The following UBE2Z variants were observed in gnomAD, a reference collection of about 807,000 sequenced individuals.
UBE2Z encodes the protein ubiquitin-conjugating enzyme E2 Z.
UBE2Z carries 10 observed loss-of-function variants against 32.6 expected under a neutral mutation model. That is an observed-to-expected ratio of 0.31 (90% CI 0.19 to 0.52). The LOEUF is 0.52. Ranked by LOEUF, UBE2Z falls within the 20% of genes least tolerant of loss-of-function variation. The probability of loss-of-function intolerance (pLI) is 0.97; values close to 1 mark genes in which losing one functional copy is unlikely to be tolerated. For synonymous variants in UBE2Z, 183 were observed against 190.8 expected, an observed-to-expected ratio of 0.96 and a Z score of 0.34; for missense variants, 343 against 480.9, an observed-to-expected ratio of 0.71 and a Z score of 2.68.
intron 4 of UBE2Z, among the ~76,000 whole-genome samples, chr17:48,917,675 A>G (rs1310131289): frequency 2.6e-5 from 4 of 152,168 alleles, no homozygotes; most frequent in Admixed American, 6.5e-5. Flanking sequence ...AAGTTTTTAT[A>G]TATAATTTCT....
At position 48,917,355 on chromosome 17, in the gene UBE2Z, G is replaced by A. The variant is rs141420584; in HGVS notation, c.690+1168G>A. Among the ~76,000 whole-genome samples the A allele has an allele frequency of 5.2e-3, 793 of 152,188 alleles. 1 individual carries two copies. Among genetic ancestry groups the A allele is most frequent in the South Asian group, 1.0e-2 (48 of 4,822 alleles). ...TTTTTATTTGTGAGAGTTACAATAA[G>A]TATGTGACTTGGATTCCTTTATAGC... On this transcript the variant is annotated intron_variant, in intron 4 of 6. Transcript: ENST00000360943.
intron 4 of UBE2Z, among the ~76,000 whole-genome samples, chr17:48,917,341 G>A (rs1263329680): frequency 4.6e-5 from 7 of 152,058 alleles, no homozygotes; most frequent in African/African-American, 9.7e-5. Context: ...TTTTATTTGT[G>A]AGAGTTACAA....
chr17:48,911,178 T>A (rs949171408), intron 2 of UBE2Z: 3 of 364,358 alleles, frequency 8.2e-6, no homozygotes, highest in African/African-American at 4.1e-5. Context: ...TGCTCCTGTT[T>A]GGATAATAAA....
intron 3 of UBE2Z, chr17:48,915,855 C>A: frequency 2.4e-6 from 1 of 417,032 alleles, no homozygotes; most frequent in Non-Finnish European, 4.1e-6. Context: ...TTGCTATTAC[C>A]TGTTCTTTTG....
intron 6 of UBE2Z, 77 bp downstream of exon 6, chr17:48,923,014 C>G: frequency 7.5e-7 from 1 of 1,339,442 alleles, no homozygotes; most frequent in Non-Finnish European, 1.0e-6. Context: ...GTGGCATCGA[C>G]AGCTGTCATA....
chr17:48,908,674 C>A lies in UBE2Z; in HGVS notation c.171C>A (p.Gly57=), dbSNP rs1441418489. 3.4e-5 allele frequency: 42 copies of A among 1,226,644 alleles called. No homozygotes were observed. The highest frequency in any genetic ancestry group is 3.2e-4 in the Middle Eastern group (1 of 3,154). The allele number at this position is 1,226,644 out of a possible 1,614,324, so 76.0% of individuals were successfully genotyped here. A position where few individuals can be genotyped will look rare whatever the true frequency, so the allele number is the denominator to read the frequency against. ...CGGCGGCAGCGGGCGGGGCCGGGGG[C>A]CCGGGGAGCGGCCTGGCTCCGCTGC... ...AAAAAAGGAG[G]PGSGLAPLPG... The change falls in exon 1 of 7, where the codon GGC becomes GGA. Residue 57 remains glycine, a synonymous_variant. Transcript: ENST00000360943.
intron 1 of UBE2Z, chr17:48,910,605 T>G (rs2040669115): frequency 4.3e-6 from 2 of 466,660 alleles, no homozygotes; most frequent in African/African-American, 3.9e-5. Flanking sequence ...AATGCCCTTT[T>G]GATAATAATT....
At chr17:48,909,029 C>G in intron 1 of UBE2Z, 1 of 294,882 alleles carries the variant, frequency 3.4e-6, no homozygotes, top group South Asian at 4.2e-5. Flanking sequence ...ACCCCCGCCT[C>G]GTGTGCCCAG....
At chr17:48,916,211 T>C in intron 4 of UBE2Z, 24 bp downstream of exon 4, 1 of 1,418,016 alleles carries the variant, frequency 7.1e-7, no homozygotes, top group Non-Finnish European at 9.5e-7. Context: ...GGCCTGGCTC[T>C]GGGGTGTAGA....
chr17:48,913,397 C>A (rs376235249), intron 3 of UBE2Z, among the ~76,000 whole-genome samples: 1 of 152,274 alleles, frequency 6.6e-6, no homozygotes, highest in South Asian at 2.1e-4. Context: ...GCTCTGTCGC[C>A]AGGCTGGAGT....
intron 4 of UBE2Z, among the ~76,000 whole-genome samples, chr17:48,917,005 AC>A (rs2040725162): frequency 6.9e-6 from 1 of 144,642 alleles, no homozygotes; most frequent in African/African-American, 2.6e-5. Context: ...CGGTCCCCCC[AC>A]CCCCAAAAAA....
chr17:48,911,030 C>A, intron 2 of UBE2Z, 150 bp downstream of exon 2: 1 of 687,974 alleles, frequency 1.5e-6, no homozygotes. Flanking sequence ...TCCAAGGTCA[C>A]ATAGTGAGGT....
chr17:48,916,132 C>G lies in UBE2Z; in HGVS notation c.635C>G (p.Ser212Cys). 1 of 1,588,334 alleles carries G rather than the reference C, an allele frequency of 6.3e-7. No individual in the cohort carries two copies. Among genetic ancestry groups the G allele is most frequent in the Non-Finnish European group, 8.6e-7 (1 of 1,169,360 alleles). Residue 212 changes from serine to cysteine, a missense_variant, in exon 4 of 7, where the codon TCT (serine) becomes TGT (cysteine). Physicochemically the swap from Ser to Cys is moderately radical, Grantham distance 112. Around this residue, in one of 4 missense-constraint regions of UBE2Z, gnomAD observed 182 missense variants for 312.4 expected, o/e 0.58. Transcript: ENST00000360943. The stretch of plus-strand genomic sequence containing the variant: ...CAGAGCATCTCCTCAGTGCTCATCT[C>G]TATCCAGTCCCTGATGACTGAGAAC... ...PAQSISSVLISIQSLMTENPY... is the reference protein window; with the variant it reads ...PAQSISSVLICIQSLMTENPY...
chr17:48,909,178 C>G (rs1012701629), intron 1 of UBE2Z, among the ~76,000 whole-genome samples: 3 of 150,874 alleles, frequency 2.0e-5, no homozygotes, highest in Non-Finnish European at 4.4e-5. Flanking sequence ...CGGCGCCGCC[C>G]CTATTTCCCC....
intron 3 of UBE2Z, 87 bp downstream of exon 3, chr17:48,913,108 A>C: frequency 7.8e-7 from 1 of 1,288,166 alleles, no homozygotes; most frequent in Non-Finnish European, 1.1e-6. Context: ...CCCTCATCTG[A>C]ACTACAGAAC....
At chr17:48,920,511 A>T (rs574238424) in intron 4 of UBE2Z, among the ~76,000 whole-genome samples, 87 of 152,016 alleles carry the variant, frequency 5.7e-4, no homozygotes, top group African/African-American at 2.0e-3. Flanking sequence ...TAAATAATAA[A>T]AAATAAAAAC....
intron 4 of UBE2Z, among the ~76,000 whole-genome samples, chr17:48,916,541 G>A (rs1286655618): frequency 4.0e-5 from 6 of 151,222 alleles, no homozygotes; most frequent in South Asian, 2.1e-4. Flanking sequence ...GTGAGCCACC[G>A]CGCCCAGCCA....
intron 4 of UBE2Z, among the ~76,000 whole-genome samples, chr17:48,918,418 C>G (rs933584807): frequency 2.0e-5 from 3 of 151,732 alleles, no homozygotes; most frequent in African/African-American, 7.3e-5. Flanking sequence ...ACTGCAGCCT[C>G]CACCTCCCAG....
chr17:48,916,261 T>TTTTTTTTTTG, intron 4 of UBE2Z, 74 bp downstream of exon 4: 1 of 658,210 alleles, frequency 1.5e-6, no homozygotes, highest in Non-Finnish European at 2.3e-6. Context: ...TTTTTTTGTT[T>TTTTTTTTTTG]TTTTTTTTTT....
Sources: gnomAD v4.1 joint callset for allele counts (sites outside exome capture counted in the v4.1 genomes callset) on GRCh38, gnomAD v4.1.1 for gene constraint, gnomAD v4.1.1 regional missense constraint, MANE v1.5 for transcripts, NCBI Gene and HGNC (gene_info 2026-07-23, HGNC 2026-07-21) for gene names.